The following MAGI2 variants were observed in gnomAD, a reference collection of about 807,000 sequenced individuals.
MAGI2 encodes membrane-associated guanylate kinase, WW and PDZ domain-containing protein 2.
In MAGI2, 35 loss-of-function variants were observed where a neutral mutation model predicts 133.3. The ratio of observed to expected loss-of-function variants is 0.26; its 90% CI spans 0.20 to 0.35. The LOEUF (loss-of-function observed/expected upper bound fraction) is 0.35, where lower values mean the gene tolerates loss of function less well. Ranked by LOEUF, MAGI2 falls within the 10% of genes least tolerant of loss-of-function variation. The pLI, the probability that MAGI2 is intolerant of heterozygous loss-of-function variation, is 1.00. For missense variants in MAGI2, 1,636 were observed against 1,863.4 expected (o/e 0.88, Z 2.25); for synonymous variants, 729 against 710.6 (o/e 1.03, Z -0.41).
In MAGI2 at chr7:78,941,728, TCACACACA is replaced by T. The variant is rs3068585; in HGVS notation, c.418+65354_418+65361del. ...AAAACAGTTTCCTGAGCCTATTTCA[TCACACACA>T]CACACACACACACACACACACACAC... On this transcript the variant is annotated intron_variant, in intron 2 of 21. Transcript: ENST00000354212. Among the ~76,000 whole-genome samples the T allele has an allele frequency of 4.9e-3, 606 of 123,458 alleles. 4 individuals carry two copies. Among genetic ancestry groups the T allele is most frequent in the South Asian group, 9.4e-3 (32 of 3,410 alleles). 81.0% of individuals were successfully genotyped at this position (123,458 alleles called of 152,430 possible). A position where few individuals can be genotyped will look rare whatever the true frequency, so the allele number is the denominator to read the frequency against.
chr7:78,516,141 T>C (rs1407097555), intron 4 of MAGI2, among the ~76,000 whole-genome samples: 1 of 152,166 alleles, frequency 6.6e-6, no homozygotes, highest in Non-Finnish European at 1.5e-5. Context: ...AGAATTCAAA[T>C]GTGGGAATGG....
intron 1 of MAGI2, among the ~76,000 whole-genome samples, chr7:79,158,818 T>G (rs965369584): frequency 2.6e-5 from 4 of 152,076 alleles, no homozygotes; most frequent in African/African-American, 7.2e-5. Flanking sequence ...GAATAAATGC[T>G]TGAAACAAAT....
intron 1 of MAGI2, among the ~76,000 whole-genome samples, chr7:79,132,504 G>T (rs1463303545): frequency 6.6e-6 from 1 of 152,038 alleles, no homozygotes; most frequent in African/African-American, 2.4e-5. Flanking sequence ...AGTACTCCAT[G>T]GTGTATACAT....
chr7:78,815,841 A>C (rs1051751349), intron 2 of MAGI2, among the ~76,000 whole-genome samples: 1 of 152,192 alleles, frequency 6.6e-6, no homozygotes, highest in Non-Finnish European at 1.5e-5. Flanking sequence ...AAGACTTAAC[A>C]ATATTGAAGT....
intron 6 of MAGI2, among the ~76,000 whole-genome samples, chr7:78,407,027 C>T (rs1797444477): frequency 6.6e-6 from 1 of 152,048 alleles, no homozygotes; most frequent in Non-Finnish European, 1.5e-5. Context: ...TGATAACATC[C>T]TAAATATTCA....
At chr7:79,217,815 A>T (rs1830135533) in intron 1 of MAGI2, among the ~76,000 whole-genome samples, 1 of 151,986 alleles carries the variant, frequency 6.6e-6, no homozygotes, top group East Asian at 1.9e-4. Context: ...GGTATAAACA[A>T]AGTAGAATAG....
intron 21 of MAGI2, among the ~76,000 whole-genome samples, chr7:78,041,879 C>A (rs1810883977): frequency 6.6e-6 from 1 of 152,126 alleles, no homozygotes; most frequent in South Asian, 2.1e-4. Context: ...ACAAGTGAGG[C>A]TGCTGTCTGG....
intron 1 of MAGI2, among the ~76,000 whole-genome samples, chr7:79,066,025 G>A (rs118116834): frequency 2.0e-5 from 3 of 152,090 alleles, no homozygotes; most frequent in South Asian, 2.1e-4. Flanking sequence ...AAACATACAC[G>A]TGTATGTGTC....
chr7:79,342,573 A>G (rs1466852070), intron 1 of MAGI2, among the ~76,000 whole-genome samples: 1 of 152,210 alleles, frequency 6.6e-6, no homozygotes, highest in Non-Finnish European at 1.5e-5. Flanking sequence ...TATTCCAGAA[A>G]ATTTAGAATC....
chr7:78,117,867 T>C (rs1338670583), intron 20 of MAGI2, among the ~76,000 whole-genome samples: 1 of 152,186 alleles, frequency 6.6e-6, no homozygotes, highest in Non-Finnish European at 1.5e-5. Flanking sequence ...TCTTCACTGG[T>C]TAACAGTTAA....
intron 2 of MAGI2, among the ~76,000 whole-genome samples, chr7:78,933,239 T>C (rs1584434069): frequency 6.6e-6 from 1 of 152,148 alleles, no homozygotes; most frequent in Admixed American, 6.6e-5. Flanking sequence ...ATAATGTTTA[T>C]GCTATGTACT....
intron 20 of MAGI2, among the ~76,000 whole-genome samples, chr7:78,124,423 G>A (rs1362193527): frequency 6.6e-6 from 1 of 152,170 alleles, no homozygotes; most frequent in Non-Finnish European, 1.5e-5. Flanking sequence ...AAAGGATTGT[G>A]GTAGTGGGGA....
chr7:79,164,251 G>A (rs921093815), intron 1 of MAGI2, among the ~76,000 whole-genome samples: 1 of 151,924 alleles, frequency 6.6e-6, no homozygotes, highest in Non-Finnish European at 1.5e-5. Flanking sequence ...ATTCTCATCT[G>A]GCAGGTTTTA....
intron 15 of MAGI2, among the ~76,000 whole-genome samples, chr7:78,164,986 C>G (rs1181368660): frequency 6.6e-6 from 1 of 152,164 alleles, no homozygotes; most frequent in Non-Finnish European, 1.5e-5. Context: ...GATAAGGCAT[C>G]TTCTCTCAAA....
rs187906989 is a variant in MAGI2 at position 78,487,667 on chromosome 7, C to T, written c.1045+2094G>A. 9.1e-4 allele frequency among the ~76,000 whole-genome samples: 138 copies of T among 152,218 alleles called. 1 individual carries two copies. Among genetic ancestry groups the T allele is most frequent in the Admixed American group, 1.8e-3 (27 of 15,282 alleles). Reference sequence around the variant, plus strand: ...ACAGGGCAAACTCAACCCAACCTCACGTTGGCTCAGTTCTGGTTTGGATTA... The same window carrying T: ...ACAGGGCAAACTCAACCCAACCTCATGTTGGCTCAGTTCTGGTTTGGATTA... On this transcript the variant is annotated intron_variant, in intron 6 of 21. Coordinates refer to ENST00000354212, the MANE Select transcript of MAGI2 (RefSeq NM_012301.4).
At chr7:79,150,815 T>C (rs10277622) in intron 1 of MAGI2, among the ~76,000 whole-genome samples, 12,123 of 152,002 alleles carry the variant, frequency 0.08, 1,102 homozygotes, top group African/African-American at 0.22. Flanking sequence ...CTATAGTAAC[T>C]AAACCCTACT....
chr7:78,950,678 C>T (rs1563697914), intron 2 of MAGI2, among the ~76,000 whole-genome samples: 2 of 152,078 alleles, frequency 1.3e-5, no homozygotes. Context: ...TAAAACACAG[C>T]AGTCTTTATG....
rs1374848508 is a variant in MAGI2, at chr7:78,293,774, T to C, written c.1409-37193A>G. Among the ~76,000 whole-genome samples, 4 of 152,220 alleles carry C rather than the reference T, an allele frequency of 2.6e-5. No individual in the cohort carries two copies. The East Asian group carries it at 7.7e-4, about 29-fold the overall frequency. On this transcript the variant is annotated intron_variant, in intron 9 of 21. Transcript: ENST00000354212. ...GCAGCCATAAAAAAGGATGAGTTCATGTCCTTTGTAGGGACATGGATGAAG... is the reference window on the plus strand; with the variant it reads ...GCAGCCATAAAAAAGGATGAGTTCACGTCCTTTGTAGGGACATGGATGAAG...
At chr7:78,620,018 G>A (rs1049521011) in intron 3 of MAGI2, among the ~76,000 whole-genome samples, 164 of 151,876 alleles carry the variant, frequency 1.1e-3, no homozygotes, top group Non-Finnish European at 4.4e-4. Context: ...AACTTTAAGT[G>A]CCAAGAATCT....
Sources: gnomAD v4.1 joint callset for allele counts (sites outside exome capture counted in the v4.1 genomes callset) on GRCh38, gnomAD v4.1.1 for gene constraint, MANE v1.5 for transcripts, NCBI Gene and HGNC (gene_info 2026-07-23, HGNC 2026-07-21) for gene names.